Variants in KIF16B observed in about 807,000 individuals in gnomAD.
KIF16B encodes the protein kinesin-like protein KIF16B.
In KIF16B, 98 loss-of-function variants were observed where a neutral mutation model predicts 156.3. The observed-to-expected ratio is 0.63, with a 90% confidence interval of 0.53 to 0.74. The LOEUF (loss-of-function observed/expected upper bound fraction) is 0.74. Ranked by LOEUF, KIF16B falls within the 30% of genes least tolerant of loss-of-function variation. The probability of loss-of-function intolerance (pLI) is 0.00; values close to 1 mark genes in which losing one functional copy is unlikely to be tolerated. For synonymous variants in KIF16B, 564 were observed against 583.7 expected, an observed-to-expected ratio of 0.97 and a Z score of 0.49; for missense variants, 1,421 against 1,606.5, an observed-to-expected ratio of 0.88 and a Z score of 1.97.
chr20:16,402,598 G>C (rs2065682776), intron 17 of KIF16B, among the ~76,000 whole-genome samples: 1 of 152,192 alleles, frequency 6.6e-6, no homozygotes, highest in African/African-American at 2.4e-5. Context: ...AGGACGAGTA[G>C]GTAGCCAGGC....
intron 3 of KIF16B, among the ~76,000 whole-genome samples, chr20:16,519,863 C>A (rs1178323513): frequency 6.6e-6 from 1 of 152,176 alleles, no homozygotes; most frequent in African/African-American, 2.4e-5. Context: ...GTGTAGCCCA[C>A]AGAGGGTGAG....
chr20:16,404,720 G>GA (rs2065737495), intron 17 of KIF16B, 93 bp downstream of exon 17: 4 of 974,416 alleles, frequency 4.1e-6, no homozygotes, highest in Non-Finnish European at 6.4e-6. Flanking sequence ...CGCCGTTGCA[G>GA]AAGTTTTATT....
intron 3 of KIF16B, among the ~76,000 whole-genome samples, chr20:16,519,456 G>T (rs1305543875): frequency 6.6e-6 from 1 of 152,146 alleles, no homozygotes; most frequent in East Asian, 1.9e-4. Flanking sequence ...TCTGGATATA[G>T]TCGCTCCAGT....
At chr20:16,449,845 T>G (rs2067031685) in intron 12 of KIF16B, among the ~76,000 whole-genome samples, 1 of 152,130 alleles carries the variant, frequency 6.6e-6, no homozygotes, top group Non-Finnish European at 1.5e-5. Flanking sequence ...TCAACAAACA[T>G]TCACTGAGCA....
At chr20:16,373,642 G>A (rs1025128195) in intron 20 of KIF16B, among the ~76,000 whole-genome samples, 13 of 152,106 alleles carry the variant, frequency 8.5e-5, no homozygotes, top group African/African-American at 2.7e-4. Context: ...GTCAACACAA[G>A]GTCCTTCTTC....
At chr20:16,500,782 C>A (rs1600555723) in intron 10 of KIF16B, among the ~76,000 whole-genome samples, 1 of 152,106 alleles carries the variant, frequency 6.6e-6, no homozygotes, top group Non-Finnish European at 1.5e-5. Context: ...GATGTGTCTT[C>A]TTTAAAAGTT....
intron 24 of KIF16B, among the ~76,000 whole-genome samples, chr20:16,317,861 G>A (rs2063720657): frequency 6.6e-6 from 1 of 152,218 alleles, no homozygotes; most frequent in Admixed American, 6.5e-5. Flanking sequence ...CACTCAAGGA[G>A]GAAGGCGAGC....
chr20:16,533,964 A>T (rs2069853786), intron 1 of KIF16B, among the ~76,000 whole-genome samples: 1 of 152,238 alleles, frequency 6.6e-6, no homozygotes, highest in African/African-American at 2.4e-5. Context: ...AATAAAAAAT[A>T]AAAAATAAAG....
intron 15 of KIF16B, among the ~76,000 whole-genome samples, chr20:16,420,741 C>A (rs2146373031): frequency 6.6e-6 from 1 of 152,038 alleles, no homozygotes; most frequent in East Asian, 1.9e-4. Context: ...ATCAATGGGC[C>A]AAATACAGTG....
chr20:16,319,720 C>A (rs993993688), intron 24 of KIF16B, among the ~76,000 whole-genome samples: 4 of 152,194 alleles, frequency 2.6e-5, no homozygotes, highest in African/African-American at 9.7e-5. Context: ...AAGGTCTCCA[C>A]GCTTTTGAGC....
At chr20:16,315,500 G>T (rs1019814487) in intron 24 of KIF16B, among the ~76,000 whole-genome samples, 33 of 152,148 alleles carry the variant, frequency 2.2e-4, no homozygotes, top group African/African-American at 7.7e-4. Context: ...AAAGTCTTTG[G>T]GGATCTAGGG....
chr20:16,530,710 G>GT (rs745459687), intron 1 of KIF16B, among the ~76,000 whole-genome samples: 107 of 151,806 alleles, frequency 7.0e-4, no homozygotes, highest in Middle Eastern at 3.4e-3. Context: ...TTGTTGTTTG[G>GT]TTTTTTTTGA....
At chr20:16,453,839 G>A (rs4814497) in intron 12 of KIF16B, among the ~76,000 whole-genome samples, 172 of 152,204 alleles carry the variant, frequency 1.1e-3, no homozygotes, top group Non-Finnish European at 2.1e-3. Context: ...AAGCAAAATG[G>A]TACAACTCTT....
rs74923111 is a variant in KIF16B at position 16,536,644 on chromosome 20, A to T, written c.48-8204T>A. Among the ~76,000 whole-genome samples, 170 of 152,328 alleles carry T rather than the reference A, an allele frequency of 1.1e-3. 1 individual carries two copies. Among genetic ancestry groups the T allele is most frequent in the African/African-American group, 4.0e-3 (166 of 41,568 alleles). ...GAGAAGTAAAACCAAAACCAGCGTG[A>T]TATCTATGATGGTTGGAGCTATTAA... On this transcript the variant is annotated intron_variant, in intron 1 of 25. Coordinates refer to ENST00000354981, the MANE Select transcript of KIF16B (RefSeq NM_024704.5).
intron 23 of KIF16B, among the ~76,000 whole-genome samples, chr20:16,350,785 G>A (rs1466837086): frequency 1.3e-5 from 2 of 151,580 alleles, no homozygotes; most frequent in Non-Finnish European, 2.9e-5. Context: ...TCACCGAAGC[G>A]CCAGACAGGC....
chr20:16,508,139 A>G lies in KIF16B; in HGVS notation c.557-39T>C, dbSNP rs774572897. ...TGGAAGGGGTGAAGAAATCCCCCTA[A>G]TATATAGGAAATGGAATACAAAATT... On this transcript the variant is annotated intron_variant, in intron 6 of 25. Coordinates refer to ENST00000354981, the MANE Select transcript of KIF16B (RefSeq NM_024704.5). 5.6e-6 allele frequency: 9 copies of G among 1,600,160 alleles called. 1 individual carries two copies. In the South Asian group the frequency reaches 1.0e-4, roughly 18 times the overall value.
At chr20:16,539,710 T>A (rs995444996) in intron 1 of KIF16B, among the ~76,000 whole-genome samples, 1 of 152,218 alleles carries the variant, frequency 6.6e-6, no homozygotes, top group Admixed American at 6.5e-5. Flanking sequence ...TCTTTTCTTA[T>A]AAATTACCCA....
At chr20:16,367,789 G>C (rs1671667306) in intron 22 of KIF16B, 5 of 1,612,622 alleles carry the variant, frequency 3.1e-6, no homozygotes, top group Non-Finnish European at 4.2e-6. Flanking sequence ...AGCGGCATCA[G>C]GCTCTGGCAT....
At chr20:16,333,838 C>T (rs1657748716) in intron 24 of KIF16B, among the ~76,000 whole-genome samples, 1 of 152,164 alleles carries the variant, frequency 6.6e-6, no homozygotes, top group African/African-American at 2.4e-5. Context: ...GTCAGGAGCC[C>T]AACCCTGAAA....
Sources: gnomAD v4.1 joint callset for allele counts (sites outside exome capture counted in the v4.1 genomes callset) on GRCh38, gnomAD v4.1.1 for gene constraint, MANE v1.5 for transcripts, NCBI Gene and HGNC (gene_info 2026-07-23, HGNC 2026-07-21) for gene names.